FAM171B: variants seen among roughly 807,000 people sequenced by gnomAD.
The protein encoded by FAM171B is protein FAM171B.
Under a neutral mutation model 75.6 loss-of-function variants are expected in FAM171B, and 19 were observed. The observed-to-expected ratio is 0.25, with a 90% CI of 0.18 to 0.37. The LOEUF (loss-of-function observed/expected upper bound fraction) is 0.37, where lower values mean the gene tolerates loss of function less well. Ranked by LOEUF, FAM171B falls within the 10% of genes least tolerant of loss-of-function variation. The probability of loss-of-function intolerance (pLI) is 1.00; values close to 1 mark genes in which losing one functional copy is unlikely to be tolerated. For missense variants in FAM171B, 848 were observed against 982.4 expected (o/e 0.86, Z 1.83); for synonymous variants, 367 against 361.7 (o/e 1.01, Z -0.17).
At chr2:186,727,807 T>C (rs1466234123) in intron 1 of FAM171B, among the ~76,000 whole-genome samples, 1 of 152,222 alleles carries the variant, frequency 6.6e-6, no homozygotes, top group Non-Finnish European at 1.5e-5. Context: ...TACATGGACA[T>C]TTAAATTTGG....
At chr2:186,732,714 G>A (rs981074145) in intron 1 of FAM171B, among the ~76,000 whole-genome samples, 6 of 152,194 alleles carry the variant, frequency 3.9e-5, no homozygotes, top group Non-Finnish European at 7.3e-5. Context: ...CATGTGCAGT[G>A]GCCTGCTAGC....
At chr2:186,758,486 A>G (rs1690567067) in intron 6 of FAM171B, among the ~76,000 whole-genome samples, 1 of 152,156 alleles carries the variant, frequency 6.6e-6, no homozygotes, top group African/African-American at 2.4e-5. Flanking sequence ...CATGGTAAAG[A>G]TGACCAGAAA....
chr2:186,752,300 C>A (rs746112843), intron 5 of FAM171B, among the ~76,000 whole-genome samples: 8 of 152,012 alleles, frequency 5.3e-5, no homozygotes, highest in Non-Finnish European at 1.2e-4. Context: ...GAGAATAGGG[C>A]GCAATAGATC....
intron 1 of FAM171B, among the ~76,000 whole-genome samples, chr2:186,707,698 G>C (rs1462207888): frequency 6.6e-6 from 1 of 152,004 alleles, no homozygotes; most frequent in East Asian, 1.9e-4. Context: ...GACAGGTTTT[G>C]TGCCTCAGTG....
Position 186,747,006 on chromosome 2 carries a change from C to T in FAM171B, c.566-86C>T. ...TGATGTTTAGCAATAATTATAATTGCTTCTTTTAAAGTAAGACATCCTGAC... is the reference window on the plus strand; with the variant it reads ...TGATGTTTAGCAATAATTATAATTGTTTCTTTTAAAGTAAGACATCCTGAC... On this transcript the variant is annotated intron_variant, in intron 3 of 7. Transcript: ENST00000304698. 2 of 958,496 alleles carry T rather than the reference C, an allele frequency of 2.1e-6. 1 individual carries two copies. Among genetic ancestry groups the T allele is most frequent in the South Asian group, 4.2e-5 (2 of 47,928 alleles). The allele number at this position is 958,496 out of a possible 1,614,324, so 59.4% of individuals were successfully genotyped here.
At chr2:186,713,284 G>A (rs1689833278) in intron 1 of FAM171B, among the ~76,000 whole-genome samples, 1 of 152,224 alleles carries the variant, frequency 6.6e-6, no homozygotes, top group African/African-American at 2.4e-5. Flanking sequence ...GCATGGTTTG[G>A]TGGCTAGAGC....
chr2:186,712,269 T>C (rs1574098939), intron 1 of FAM171B, among the ~76,000 whole-genome samples: 1 of 152,198 alleles, frequency 6.6e-6, no homozygotes, highest in East Asian at 1.9e-4. Flanking sequence ...ATTATCTAAG[T>C]GCATTGCTAT....
Position 186,761,137 on chromosome 2 carries a change from A to G in FAM171B, c.1037A>G (p.Lys346Arg). 2.5e-6 allele frequency: 4 copies of G among 1,610,600 alleles called. No individual in the cohort carries two copies. Among genetic ancestry groups the G allele is most frequent in the Non-Finnish European group, 3.4e-6 (4 of 1,178,424 alleles). The change falls in exon 7 of 8, where the codon AAG becomes AGG. Residue 346 changes from lysine to arginine, a missense_variant. Physicochemically the swap from Lys to Arg is conservative, Grantham distance 26 (BLOSUM62 2). Transcript: ENST00000304698. Reference protein sequence around the residue: ...TRGSGINEDSKDITAYHTVFL... With the variant: ...TRGSGINEDSRDITAYHTVFL... ...GGTTCAGGTATAAATGAAGATTCCA[A>G]GGACATAACTGCCTACCACACAGTG... is the stretch of plus-strand genomic sequence containing the variant.
intron 1 of FAM171B, among the ~76,000 whole-genome samples, chr2:186,696,974 T>C (rs1291536444): frequency 3.3e-5 from 5 of 151,146 alleles, no homozygotes; most frequent in South Asian, 2.1e-4. Context: ...TTGGTACCCA[T>C]AGACATTCAA....
rs1690674829 is a variant in FAM171B at position 186,764,692 on chromosome 2, A to AACAGATGT, written c.*1870_*1877dup. On this transcript the variant is annotated 3_prime_UTR_variant, in exon 8 of 8. Transcript: ENST00000304698. Reference sequence around the variant, plus strand: ...CATTTTCTTTCAGTTAACCAAATTAAACAGATGTGCAGTTTTATTAAAAAT... The same window carrying AACAGATGT: ...CATTTTCTTTCAGTTAACCAAATTAAACAGATGTACAGATGTGCAGTTTTATTAAAAAT... 1 of 151,814 alleles carries AACAGATGT rather than the reference A, an allele frequency of 6.6e-6. No individual in the cohort carries two copies. The highest frequency in any genetic ancestry group is 2.1e-4 in the South Asian group (1 of 4,820). 9.4% of individuals were successfully genotyped at this position (151,814 alleles called of 1,614,324 possible).
intron 1 of FAM171B, chr2:186,695,077 G>C (rs1339018332): frequency 6.6e-6 from 1 of 152,232 alleles, no homozygotes; most frequent in Non-Finnish European, 1.5e-5. Context: ...AAGGGAAAAG[G>C]AGAGGGGGAC....
intron 1 of FAM171B, among the ~76,000 whole-genome samples, chr2:186,729,277 T>G (rs1238011143): frequency 1.3e-5 from 2 of 152,136 alleles, no homozygotes; most frequent in Non-Finnish European, 2.9e-5. Flanking sequence ...GATGATTATG[T>G]GGGCAAGACA....
chr2:186,722,814 A>G (rs913556760), intron 1 of FAM171B, among the ~76,000 whole-genome samples: 3 of 152,284 alleles, frequency 2.0e-5, no homozygotes, highest in African/African-American at 4.8e-5. Context: ...ATGGACTCCA[A>G]TCATGAGTTC....
At position 186,762,723 on chromosome 2, in the gene FAM171B, C is replaced by A. The variant is rs776646644; in HGVS notation, c.2381C>A (p.Ser794Tyr). 6.2e-7 allele frequency: 1 copy of A among 1,613,090 alleles called. No individual in the cohort carries two copies. The change falls in exon 8 of 8, where the codon TCC becomes TAC. Residue 794 changes from serine (S) to tyrosine (Y), a missense_variant. Physicochemically the swap from Ser to Tyr is moderately radical, Grantham distance 144. Around this residue, in one of 3 missense-constraint regions of FAM171B, gnomAD observed 136 missense variants for 159.3 expected, o/e 0.85. Transcript: ENST00000304698. The surrounding 1 kb of genome is among the most constrained non-coding windows in gnomAD (Gnocchi z 4.0). ...GTTGAAGATTTTGAAGCTAATACATCCCCCACTAAAAGAAGGGGCAGACCA... is the reference window on the plus strand; with the variant it reads ...GTTGAAGATTTTGAAGCTAATACATACCCCACTAAAAGAAGGGGCAGACCA... ...STVEDFEANT[S>Y]PTKRRGRPPL... is the part of the protein sequence containing the mutation.
intron 1 of FAM171B, among the ~76,000 whole-genome samples, chr2:186,728,933 TAGC>T (rs1266268063): frequency 2.0e-5 from 3 of 152,160 alleles, no homozygotes; most frequent in African/African-American, 7.2e-5. Context: ...TATATATAGT[TAGC>T]AGTATTTTTA....
At chr2:186,717,351 T>C (rs1689889036) in intron 1 of FAM171B, among the ~76,000 whole-genome samples, 1 of 152,202 alleles carries the variant, frequency 6.6e-6, no homozygotes, top group Non-Finnish European at 1.5e-5. Flanking sequence ...GGGGGCGCAG[T>C]TGAGATGGGA....
At chr2:186,702,726 C>T (rs1689680580) in intron 1 of FAM171B, among the ~76,000 whole-genome samples, 1 of 152,064 alleles carries the variant, frequency 6.6e-6, no homozygotes. Context: ...ATTAATGTGT[C>T]AAATATGCCT....
intron 1 of FAM171B, among the ~76,000 whole-genome samples, chr2:186,713,325 T>C (rs1411592814): frequency 6.6e-6 from 1 of 152,244 alleles, no homozygotes; most frequent in Admixed American, 6.5e-5. Context: ...AACTGTAATT[T>C]AAAATCTATT....
chr2:186,761,677 A>G lies in FAM171B; in HGVS notation c.1335A>G (p.Ala445=). ...CTCAGAAAAAGGAACCATCAAAGGC[A>G]GAAACAGAAGAAAGAGTTTCCATGG... The part of the protein sequence containing the change: ...YSPQKKEPSK[A]ETEERVSMVK... Residue 445 remains alanine, a synonymous_variant, in exon 8 of 8, where the codon GCA becomes GCG. Transcript: ENST00000304698. The G allele has an allele frequency of 1.9e-6, 3 of 1,612,374 alleles. No individual in the cohort carries two copies. In the South Asian group the frequency reaches 3.3e-5, roughly 18 times the overall value.
Sources: allele counts gnomAD v4.1 joint callset (sites outside exome capture counted in the v4.1 genomes callset), GRCh38; gene constraint gnomAD v4.1.1; regional missense constraint gnomAD v4.1.1; non-coding constraint Gnocchi (gnomAD v3.1); transcripts MANE v1.5; gene names NCBI Gene and HGNC (gene_info 2026-07-23, HGNC 2026-07-21).